CFAP74: variants seen among roughly 807,000 people sequenced by gnomAD.
The protein encoded by CFAP74 is cilia and flagella associated protein 74, also known as cilia- and flagella-associated protein 74.
In CFAP74, 124 loss-of-function variants were observed where a neutral mutation model predicts 188.9. The observed-to-expected ratio is 0.66, with a 90% CI of 0.57 to 0.76. The LOEUF (loss-of-function observed/expected upper bound fraction) is 0.76. Ranked by LOEUF, CFAP74 falls within the 30% of genes least tolerant of loss-of-function variation. The pLI is 0.00. For synonymous variants in CFAP74, 956 were observed against 916.7 expected, an observed-to-expected ratio of 1.04 and a Z score of -0.77; for missense variants, 2,198 against 2,165.2, an observed-to-expected ratio of 1.02 and a Z score of -0.30.
chr1:1,924,800 G>A (rs1385290422), intron 33 of CFAP74, among the ~76,000 whole-genome samples: 3 of 152,200 alleles, frequency 2.0e-5, no homozygotes, highest in Non-Finnish European at 4.4e-5. Context: ...CCTGAGTCTC[G>A]CTCAGGCCCA....
At chr1:1,955,104 C>G (rs574587929) in intron 18 of CFAP74, 1 of 1,084,770 alleles carries the variant, frequency 9.2e-7, no homozygotes, top group Non-Finnish European at 1.1e-6. Context: ...TGTGGAGAAC[C>G]GGCCCAGCTC....
intron 14 of CFAP74, among the ~76,000 whole-genome samples, chr1:1,962,938 G>A (rs1202221160): frequency 6.6e-6 from 1 of 152,126 alleles, no homozygotes; most frequent in Non-Finnish European, 1.5e-5. Flanking sequence ...CAACCAGAAG[G>A]AAAACATCAG....
At position 1,924,377 on chromosome 1, in the gene CFAP74, C is replaced by G. The variant is rs1557981297; in HGVS notation, c.4234+14G>C. The G allele has an allele frequency of 1.0e-5, 5 of 494,170 alleles. No homozygotes were observed. Among genetic ancestry groups the G allele is most frequent in the Non-Finnish European group, 1.5e-5 (5 of 339,946 alleles). 30.6% of individuals were successfully genotyped at this position (494,170 alleles called of 1,614,324 possible). ...CCCCCGCAGCTCACCACCCACCCCCCACCCCCCGCTCACCGACCACCTCCG... is the reference window on the plus strand; with the variant it reads ...CCCCCGCAGCTCACCACCCACCCCCGACCCCCCGCTCACCGACCACCTCCG... On this transcript the variant is annotated intron_variant, in intron 34 of 38. Coordinates refer to ENST00000682832, the MANE Select transcript of CFAP74 (RefSeq NM_001304360.2).
chr1:1,977,577 C>T (rs1656529527), intron 6 of CFAP74, among the ~76,000 whole-genome samples: 1 of 152,202 alleles, frequency 6.6e-6, no homozygotes, highest in Admixed American at 6.5e-5. Flanking sequence ...TGTAGCCAAT[C>T]TACACAGCAG....
rs112397293 is a variant in CFAP74 at position 1,941,464 on chromosome 1, C to A, written c.2615+564G>T. Reference sequence around the variant, plus strand: ...CAAAAGCAGAGACCAGGGGATGCAGCCAGCAGGCCTGGGAAGAGCCTTGGA... The same window carrying A: ...CAAAAGCAGAGACCAGGGGATGCAGACAGCAGGCCTGGGAAGAGCCTTGGA... On this transcript the variant is annotated intron_variant, in intron 22 of 38. Transcript: ENST00000682832. 2.3e-3 allele frequency among the ~76,000 whole-genome samples: 347 copies of A among 152,324 alleles called. 1 individual carries two copies. Among genetic ancestry groups the A allele is most frequent in the African/African-American group, 8.0e-3 (332 of 41,562 alleles).
At chr1:1,959,022 C>A in intron 16 of CFAP74, 98 bp downstream of exon 16, 1 of 808,810 alleles carries the variant, frequency 1.2e-6, no homozygotes, top group East Asian at 2.6e-5. Context: ...CCTGGTCCCC[C>A]CGCCAACCTG....
chr1:1,928,008 C>T, intron 27 of CFAP74: 2 of 500,234 alleles, frequency 4.0e-6, no homozygotes, highest in Non-Finnish European at 3.6e-6. Context: ...GCGGCCAGAA[C>T]CGGGGTCCCC....
intron 6 of CFAP74, among the ~76,000 whole-genome samples, chr1:1,981,395 GC>G (rs1656834943): frequency 6.7e-6 from 1 of 149,842 alleles, no homozygotes; most frequent in Non-Finnish European, 1.5e-5. Flanking sequence ...GGCTGGCACA[GC>G]CAGCCGCGGA....
At chr1:1,951,088 A>G (rs2102056485) in intron 18 of CFAP74, among the ~76,000 whole-genome samples, 1 of 152,308 alleles carries the variant, frequency 6.6e-6, no homozygotes, top group South Asian at 2.1e-4. Context: ...TAAAGGAAAG[A>G]GGTTTAATTG....
chr1:1,953,959 G>A (rs1489736951), intron 18 of CFAP74: 1 of 152,252 alleles, frequency 6.6e-6, no homozygotes, highest in African/African-American at 2.4e-5. Flanking sequence ...TCAGGGAGGA[G>A]GGCTGGAATC....
rs1203423048 is a variant in CFAP74, at chr1:1,970,691, C to T, written c.1014G>A (p.Gln338=). 2 of 1,613,204 alleles carry T rather than the reference C, an allele frequency of 1.2e-6. No homozygotes were observed. Among genetic ancestry groups the T allele is most frequent in the African/African-American group, 1.3e-5 (1 of 74,938 alleles). The part of the protein sequence containing the change: ...GRDAFRHLVH[Q]RRRQELEAQK... ...GGGCCTCCAGCTCCTGGCGCCGGCG[C>T]TGGTGGACAAGGTGCCTGAATGCAT... is the stretch of plus-strand genomic sequence containing the variant. Residue 338 remains glutamine, a synonymous_variant, in exon 10 of 39, where the codon CAG becomes CAA. Transcript: ENST00000682832.
intron 14 of CFAP74, among the ~76,000 whole-genome samples, 182 bp downstream of exon 14, chr1:1,963,567 C>T (rs1266061439): frequency 4.0e-5 from 6 of 151,492 alleles, no homozygotes; most frequent in Non-Finnish European, 8.8e-5. Flanking sequence ...GAAATGGGCT[C>T]GGTCTCGGAC....
chr1:1,955,327 G>C, intron 18 of CFAP74: 2 of 1,312,776 alleles, frequency 1.5e-6, no homozygotes. Context: ...GCTGGTGCGC[G>C]TCTAACAACA....
chr1:1,988,817 C>CGGG, intron 3 of CFAP74, 72 bp downstream of exon 3: 1 of 490,508 alleles, frequency 2.0e-6, no homozygotes, highest in Non-Finnish European at 3.4e-6. Flanking sequence ...CCGCTCCCTT[C>CGGG]ACCCACCCCC....
intron 26 of CFAP74, among the ~76,000 whole-genome samples, chr1:1,929,854 C>T (rs921593731): frequency 1.3e-5 from 2 of 152,086 alleles, no homozygotes; most frequent in African/African-American, 2.4e-5. Flanking sequence ...TGACCCCCCC[C>T]GATGGGGGTG....
chr1:1,978,151 GGTGA>G (rs1445897505), intron 6 of CFAP74, among the ~76,000 whole-genome samples: 1 of 152,242 alleles, frequency 6.6e-6, no homozygotes, highest in Non-Finnish European at 1.5e-5. Flanking sequence ...TCCAGCTGTT[GGTGA>G]GTGTGACAGT....
chr1:1,972,029 C>A lies in CFAP74; in HGVS notation c.839G>T (p.Arg280Leu), dbSNP rs199894647. 3.1e-6 allele frequency: 5 copies of A among 1,612,992 alleles called. No individual in the cohort carries two copies. In the Admixed American group the frequency reaches 5.0e-5, roughly 16 times the overall value. Residue 280 changes from arginine to leucine, a missense_variant, in exon 9 of 39, where the codon CGA (arginine) becomes CTA (leucine). Coordinates refer to ENST00000682832, the MANE Select transcript of CFAP74 (RefSeq NM_001304360.2). ...CAGCGCCACCACCGCATCCATGCGTCGCCTCATGTACTCGTGGCACTCCAT... is the reference window on the plus strand; with the variant it reads ...CAGCGCCACCACCGCATCCATGCGTAGCCTCATGTACTCGTGGCACTCCAT... The part of the protein sequence containing the change: ...EEMECHEYMR[R>L]RMDAVVALKG...
chr1:1,990,055 C>G (rs1455055736), intron 2 of CFAP74, among the ~76,000 whole-genome samples: 1 of 152,198 alleles, frequency 6.6e-6, no homozygotes, highest in Non-Finnish European at 1.5e-5. Flanking sequence ...TCCATTAAAC[C>G]CAACTCTTAA....
rs567339009 is a variant in CFAP74, at chr1:1,979,460, G to A, written c.501-5262C>T. Among the ~76,000 whole-genome samples the A allele has an allele frequency of 6.7e-5, 9 of 135,028 alleles. 1 individual carries two copies. In the East Asian group the frequency reaches 2.1e-3, roughly 31 times the overall value. The allele number at this position is 135,028 out of a possible 152,430, so 88.6% of individuals were successfully genotyped here. On this transcript the variant is annotated intron_variant, in intron 6 of 38. Coordinates refer to ENST00000682832, the MANE Select transcript of CFAP74 (RefSeq NM_001304360.2). ...GCGTGGGAAGGCGTCACGTGATGAAGCTGCACAGAACACGCGTGTGGTACT... is the reference window on the plus strand; with the variant it reads ...GCGTGGGAAGGCGTCACGTGATGAAACTGCACAGAACACGCGTGTGGTACT...
Sources: allele counts gnomAD v4.1 joint callset (sites outside exome capture counted in the v4.1 genomes callset), GRCh38; gene constraint gnomAD v4.1.1; transcripts MANE v1.5; gene names NCBI Gene and HGNC (gene_info 2026-07-23, HGNC 2026-07-21).